PRKN: variants seen among roughly 807,000 people sequenced by gnomAD.
PRKN encodes E3 ubiquitin-protein ligase parkin.
In PRKN, 56 loss-of-function variants were observed where a neutral mutation model predicts 59.5. The observed-to-expected ratio is 0.94, with a 90% CI of 0.76 to 1.18. PRKN has a LOEUF of 1.18. Among genes scored for constraint, PRKN ranks in the 50% most tolerant of loss-of-function variants. The pLI is 0.00. For missense variants in PRKN, 657 were observed against 596.4 expected, an observed-to-expected ratio of 1.10 and a Z score of -1.06; for synonymous variants, 250 against 222.1, an observed-to-expected ratio of 1.13 and a Z score of -1.12.
At chr6:162,220,745 G>A (rs1043909926) in intron 3 of PRKN, among the ~76,000 whole-genome samples, 1 of 152,210 alleles carries the variant, frequency 6.6e-6, no homozygotes, top group Non-Finnish European at 1.5e-5. Flanking sequence ...GCAGCCAAGG[G>A]GAGGGGCAGG....
chr6:161,517,765 A>AAAAAAAG (rs1562499845), intron 9 of PRKN, among the ~76,000 whole-genome samples: 5 of 143,822 alleles, frequency 3.5e-5, no homozygotes, highest in African/African-American at 5.1e-5. Flanking sequence ...AAAAAAAAAA[A>AAAAAAAG]GAGTTGAGGT....
At position 161,957,416 on chromosome 6, in the gene PRKN, T is replaced by TTTTG. The variant is rs1176484848; in HGVS notation, c.734+15882_734+15885dup. ...TTTTTTGTTGTTCTTGTTGTTTTTTTTTTGTTTGTTTGTTTGTTTGTTTTT... is the reference window on the plus strand; with the variant it reads ...TTTTTTGTTGTTCTTGTTGTTTTTTTTTTGTTTGTTTGTTTGTTTGTTTGTTTTT... On this transcript the variant is annotated intron_variant, in intron 6 of 11. Coordinates refer to ENST00000366898, the MANE Select transcript of PRKN (RefSeq NM_004562.3). Among the ~76,000 whole-genome samples the TTTTG allele has an allele frequency of 8.0e-3, 1,008 of 126,378 alleles. 16 individuals carry two copies. The highest frequency in any genetic ancestry group is 0.031 in the African/African-American group (909 of 29,212). 82.9% of individuals were successfully genotyped at this position (126,378 alleles called of 152,430 possible). A position where few individuals can be genotyped will look rare whatever the true frequency, so the allele number is the denominator to read the frequency against.
chr6:162,678,655 T>C (rs1779649591), intron 1 of PRKN, among the ~76,000 whole-genome samples: 1 of 152,234 alleles, frequency 6.6e-6, no homozygotes, highest in Admixed American at 6.5e-5. Flanking sequence ...TTTTAGTATT[T>C]ATTGAGTTTT....
Position 161,874,217 on chromosome 6 carries a change from AAT to A in PRKN, c.735-88311_735-88310del, listed in dbSNP as rs1217482184. Reference sequence around the variant, plus strand: ...ATAATATATATTATATGTAAAATATAATATATATTATATATAATATATAATAT... The same window carrying A: ...ATAATATATATTATATGTAAAATATAATATATTATATATAATATATAATAT... On this transcript the variant is annotated intron_variant, in intron 6 of 11. Coordinates refer to ENST00000366898, the MANE Select transcript of PRKN (RefSeq NM_004562.3). Among the ~76,000 whole-genome samples the A allele has an allele frequency of 4.9e-5, 2 of 40,872 alleles. 1 individual carries two copies. Among genetic ancestry groups the A allele is most frequent in the South Asian group, 2.1e-3 (2 of 956 alleles). 26.8% of individuals were successfully genotyped at this position (40,872 alleles called of 152,430 possible). A position where few individuals can be genotyped will look rare whatever the true frequency, so the allele number is the denominator to read the frequency against.
chr6:162,370,956 T>C (rs1001609178), intron 2 of PRKN, among the ~76,000 whole-genome samples: 4 of 152,286 alleles, frequency 2.6e-5, no homozygotes, highest in African/African-American at 9.6e-5. Flanking sequence ...ATGAGCCAAA[T>C]GGGTGTTTTC....
chr6:162,153,599 G>A (rs534001373), intron 4 of PRKN, among the ~76,000 whole-genome samples: 8 of 152,252 alleles, frequency 5.3e-5, no homozygotes, highest in African/African-American at 1.9e-4. Flanking sequence ...CTGGTACACT[G>A]GAAGAATAAG....
At chr6:161,658,205 A>T (rs1457756428) in intron 7 of PRKN, among the ~76,000 whole-genome samples, 2 of 150,846 alleles carry the variant, frequency 1.3e-5, no homozygotes, top group Non-Finnish European at 3.0e-5. Flanking sequence ...ATTAAATTGT[A>T]TTTTTTTTTC....
At chr6:161,992,401 A>G (rs987687746) in intron 5 of PRKN, among the ~76,000 whole-genome samples, 1 of 152,178 alleles carries the variant, frequency 6.6e-6, no homozygotes, top group East Asian at 1.9e-4. Context: ...CAATTCAGCA[A>G]AAGGATGTAA....
At chr6:162,620,109 G>A (rs887279291) in intron 1 of PRKN, among the ~76,000 whole-genome samples, 5 of 151,882 alleles carry the variant, frequency 3.3e-5, no homozygotes, top group Admixed American at 3.3e-4. Context: ...ATAAAGAATT[G>A]AGGGATGTTA....
intron 1 of PRKN, among the ~76,000 whole-genome samples, chr6:162,534,273 C>T (rs1778630080): frequency 6.6e-6 from 1 of 152,152 alleles, no homozygotes; most frequent in Admixed American, 6.6e-5. Flanking sequence ...ACTCTCTAAG[C>T]TACTTCATGT....
chr6:161,928,423 T>C (rs1403229607), intron 6 of PRKN, among the ~76,000 whole-genome samples: 1 of 152,170 alleles, frequency 6.6e-6, no homozygotes, highest in Non-Finnish European at 1.5e-5. Context: ...TATGACTCAC[T>C]GTGTAGATTA....
chr6:161,531,400 A>G (rs1373981216), intron 9 of PRKN, among the ~76,000 whole-genome samples: 2 of 149,042 alleles, frequency 1.3e-5, no homozygotes. Context: ...AAAAAAAATT[A>G]ATTGTGCGAA....
chr6:161,574,273 G>A (rs1008015788), intron 7 of PRKN, among the ~76,000 whole-genome samples: 15 of 152,122 alleles, frequency 9.9e-5, no homozygotes, highest in African/African-American at 1.7e-4. Flanking sequence ...ATGCATTCGC[G>A]TAGGGAGACA....
chr6:162,124,536 G>T (rs1413145612), intron 4 of PRKN, among the ~76,000 whole-genome samples: 1 of 152,134 alleles, frequency 6.6e-6, no homozygotes, highest in Non-Finnish European at 1.5e-5. Context: ...AATTGAAAAG[G>T]GAGAAAATCA....
At chr6:162,145,253 C>T (rs1781972101) in intron 4 of PRKN, among the ~76,000 whole-genome samples, 1 of 152,084 alleles carries the variant, frequency 6.6e-6, no homozygotes, top group African/African-American at 2.4e-5. Context: ...TAATAAAGAC[C>T]TGGATGTCAA....
At chr6:161,763,846 G>A (rs1269183389) in intron 7 of PRKN, among the ~76,000 whole-genome samples, 1 of 151,990 alleles carries the variant, frequency 6.6e-6, no homozygotes, top group African/African-American at 2.4e-5. Flanking sequence ...TACCTTCAAC[G>A]CCTGCCTGCC....
At chr6:161,521,969 C>G (rs1202108879) in intron 9 of PRKN, among the ~76,000 whole-genome samples, 1 of 152,126 alleles carries the variant, frequency 6.6e-6, no homozygotes, top group Non-Finnish European at 1.5e-5. Context: ...GAGATGCAAA[C>G]TGAGGATCTT....
rs1415388010 is a variant in PRKN at position 161,527,613 on chromosome 6, G to T, written c.1083+21241C>A. On this transcript the variant is annotated intron_variant, in intron 9 of 11. Coordinates refer to ENST00000366898, the MANE Select transcript of PRKN (RefSeq NM_004562.3). This position sits in a 1 kb window ranked among gnomAD's most constrained non-coding sequence, Gnocchi z 4.6. The stretch of plus-strand genomic sequence containing the variant: ...AGTAGCACCTTGTAAAATCTAAAAG[G>T]TGGGGAGGCAAAGAGGACACGCACT... Among the ~76,000 whole-genome samples the T allele has an allele frequency of 6.6e-6, 1 of 152,202 alleles. No individual in the cohort carries two copies. Among genetic ancestry groups the T allele is most frequent in the Non-Finnish European group, 1.5e-5 (1 of 68,038 alleles).
At chr6:162,435,028 ACAT>A (rs1789705954) in intron 2 of PRKN, among the ~76,000 whole-genome samples, 1 of 152,252 alleles carries the variant, frequency 6.6e-6, no homozygotes, top group Non-Finnish European at 1.5e-5. Context: ...ATCTCAGATA[ACAT>A]CAGGTCAATT....
Sources: allele counts gnomAD v4.1 joint callset (sites outside exome capture counted in the v4.1 genomes callset), GRCh38; gene constraint gnomAD v4.1.1; non-coding constraint Gnocchi (gnomAD v3.1); transcripts MANE v1.5; gene names NCBI Gene and HGNC (gene_info 2026-07-23, HGNC 2026-07-21).